The following FAM114A2 variants were observed in gnomAD, a reference collection of about 807,000 sequenced individuals.
FAM114A2 encodes family with sequence similarity 114 member A2, also known as protein FAM114A2.
A neutral mutation model predicts 58.4 loss-of-function variants in FAM114A2; 53 were observed. That is an observed-to-expected ratio of 0.91 (90% confidence interval 0.73 to 1.14). The LOEUF (loss-of-function observed/expected upper bound fraction) is 1.14, where lower values mean the gene tolerates loss of function less well. Ranked by LOEUF, FAM114A2 falls within the 50% of genes most tolerant of loss-of-function variation. FAM114A2 has a pLI of 0.00. For missense variants in FAM114A2, 601 were observed against 581.1 expected, an observed-to-expected ratio of 1.03 and a Z score of -0.35; for synonymous variants, 228 against 211.4, an observed-to-expected ratio of 1.08 and a Z score of -0.68.
chr5:154,032,570 G>C (rs150638280), intron 4 of FAM114A2, among the ~76,000 whole-genome samples: 3 of 152,222 alleles, frequency 2.0e-5, no homozygotes, highest in Middle Eastern at 3.4e-3. Flanking sequence ...GCTACATCAA[G>C]AACATGAGAT....
chr5:154,028,052 GC>G (rs2113461734), intron 6 of FAM114A2, 96 bp downstream of exon 6: 1 of 1,106,934 alleles, frequency 9.0e-7, no homozygotes, highest in East Asian at 2.4e-5. Flanking sequence ...TATTGAAAAT[GC>G]TTGAAAAGAA....
chr5:154,010,932 A>C (rs981344229), intron 9 of FAM114A2, among the ~76,000 whole-genome samples: 2 of 152,196 alleles, frequency 1.3e-5, no homozygotes, highest in African/African-American at 2.4e-5. Context: ...ACCCACTGGA[A>C]TCATGAGGCT....
chr5:153,993,138 G>T, intron 13 of FAM114A2, 28 bp from the exon 14 acceptor site: 12 of 1,585,774 alleles, frequency 7.6e-6, no homozygotes, highest in Non-Finnish European at 8.6e-6. Context: ...ACAAGAAAAA[G>T]AAAATATTAG....
intron 9 of FAM114A2, among the ~76,000 whole-genome samples, chr5:154,003,299 C>A (rs1013863629): frequency 1.6e-4 from 25 of 151,958 alleles, no homozygotes; most frequent in Admixed American, 1.6e-3. Context: ...CTGCCTTAGC[C>A]TCCCGAGTAG....
At chr5:154,010,988 A>C (rs1770656786) in intron 9 of FAM114A2, among the ~76,000 whole-genome samples, 1 of 152,182 alleles carries the variant, frequency 6.6e-6, no homozygotes, top group Non-Finnish European at 1.5e-5. Context: ...AGACTAAATT[A>C]AGCTTTCAGA....
At chr5:154,007,346 C>T (rs527688802) in intron 9 of FAM114A2, among the ~76,000 whole-genome samples, 2 of 152,210 alleles carry the variant, frequency 1.3e-5, no homozygotes, top group Admixed American at 1.3e-4. Context: ...AATAATGAGG[C>T]CCACAGAAGA....
chr5:154,034,521 G>C, intron 2 of FAM114A2, 144 bp from the exon 3 acceptor site: 1 of 638,374 alleles, frequency 1.6e-6, no homozygotes, highest in Non-Finnish European at 2.8e-6. Context: ...GAAATGTATT[G>C]CTTGACTGGC....
intron 1 of FAM114A2, among the ~76,000 whole-genome samples, chr5:154,035,844 G>T (rs1772521275): frequency 6.6e-6 from 1 of 152,190 alleles, no homozygotes; most frequent in African/African-American, 2.4e-5. Context: ...ATTCTTGCCA[G>T]CATTTGACAT....
chr5:154,003,358 T>G (rs1000835610), intron 9 of FAM114A2, among the ~76,000 whole-genome samples: 1 of 152,000 alleles, frequency 6.6e-6, no homozygotes, highest in Non-Finnish European at 1.5e-5. Flanking sequence ...TTTGTATTTT[T>G]AGTAGAGACG....
intron 9 of FAM114A2, among the ~76,000 whole-genome samples, chr5:154,004,173 C>T (rs556484251): frequency 6.6e-5 from 10 of 152,336 alleles, no homozygotes; most frequent in South Asian, 4.1e-4. Context: ...TTAAGCAATG[C>T]ATGATTGTAT....
chr5:154,014,309 GA>G (rs1770879896), intron 8 of FAM114A2, among the ~76,000 whole-genome samples: 1 of 152,232 alleles, frequency 6.6e-6, no homozygotes, highest in East Asian at 1.9e-4. Flanking sequence ...GGCAGGAAGA[GA>G]TTTCAGGTCC....
In FAM114A2 at chr5:154,002,276, T is replaced by C. The variant is rs750176286; in HGVS notation, c.1231A>G (p.Ile411Val). The C allele has an allele frequency of 3.7e-6, 6 of 1,614,066 alleles. No individual in the cohort carries two copies. The highest frequency in any genetic ancestry group is 1.7e-5 in the Admixed American group (1 of 60,020). Residue 411 changes from isoleucine (I) to valine (V), a missense_variant, in exon 11 of 14, where the codon ATA becomes GTA. By Grantham distance (29) the Ile-to-Val change is conservative. Coordinates refer to ENST00000351797, the MANE Select transcript of FAM114A2 (RefSeq NM_018691.4). ...TGGGAAAGAGTTTGGCTCCTTTCTA[T>C]GGCTGTCACTTCCTGCTTCCTGCCA... is the stretch of plus-strand genomic sequence containing the variant. The part of the protein sequence containing the change: ...LHGRKQEVTA[I>V]ERSQTLSQMT...
At position 153,993,105 on chromosome 5, in the gene FAM114A2, T is replaced by G. The variant is rs1462652591; in HGVS notation, c.1389A>C (p.Ser463=). 1.9e-6 allele frequency: 3 copies of G among 1,606,854 alleles called. No homozygotes were observed. The African/African-American group carries it at 4.0e-5, about 22-fold the overall frequency. ...PLITAVFLEA[S]NSASYIQDAF... is the part of the protein sequence containing the mutation. ...CGTCCTGGATGTAGGAGGCACTGTT[T>G]GATGCCTGCCAGGATTGAAAAAACA... Residue 463 remains serine, a synonymous_variant, in exon 14 of 14, where the codon TCA becomes TCC. Transcript: ENST00000351797.
intron 11 of FAM114A2, among the ~76,000 whole-genome samples, chr5:154,001,104 A>G (rs1384507412): frequency 2.0e-5 from 3 of 152,208 alleles, no homozygotes; most frequent in African/African-American, 7.2e-5. Flanking sequence ...AGTGAACAAG[A>G]AAAGTCCCAG....
chr5:153,993,852 T>G (rs1322342941), intron 13 of FAM114A2, among the ~76,000 whole-genome samples: 1 of 152,194 alleles, frequency 6.6e-6, no homozygotes, highest in Non-Finnish European at 1.5e-5. Flanking sequence ...TTAAAATTTA[T>G]CAATGGCAAG....
intron 1 of FAM114A2, chr5:154,037,342 G>GA (rs1257607070): frequency 2.6e-5 from 4 of 152,184 alleles, no homozygotes; most frequent in Admixed American, 6.5e-5. Context: ...AACACATAGA[G>GA]AAAAAATCCA....
At chr5:154,027,143 CTT>C (rs778558728) in intron 7 of FAM114A2, 31 bp downstream of exon 7, 2 of 1,569,082 alleles carry the variant, frequency 1.3e-6, no homozygotes, top group Admixed American at 3.8e-5. Flanking sequence ...TACTTGAAGA[CTT>C]TTTCCAGTTG....
chr5:154,012,055 G>T (rs1024055907), intron 8 of FAM114A2, among the ~76,000 whole-genome samples: 1 of 152,092 alleles, frequency 6.6e-6, no homozygotes, highest in Non-Finnish European at 1.5e-5. Context: ...TTGGTGGCTG[G>T]GTGGAGAATG....
At chr5:154,024,335 T>C (rs1305172884) in intron 8 of FAM114A2, among the ~76,000 whole-genome samples, 2 of 152,118 alleles carry the variant, frequency 1.3e-5, no homozygotes, top group East Asian at 3.8e-4. Context: ...AAACAAAGTG[T>C]TTATTAATTC....
Sources: allele counts gnomAD v4.1 joint callset (sites outside exome capture counted in the v4.1 genomes callset), GRCh38; gene constraint gnomAD v4.1.1; transcripts MANE v1.5; gene names NCBI Gene and HGNC (gene_info 2026-07-23, HGNC 2026-07-21).